The following FRAS1 variants were observed in gnomAD, a reference collection of about 807,000 sequenced individuals.
The protein encoded by FRAS1 is Fraser extracellular matrix complex subunit 1, also known as extracellular matrix organizing protein FRAS1.
FRAS1 carries 290 observed loss-of-function variants against 435.2 expected under a neutral mutation model. That is an observed-to-expected ratio of 0.67 (90% CI 0.61 to 0.73). The LOEUF is 0.73. FRAS1 is among the 30% of genes least tolerant of loss of function. The pLI, the probability that FRAS1 is intolerant of heterozygous loss-of-function variation, is 0.00. For missense variants in FRAS1, 4,860 were observed against 5,001.5 expected (o/e 0.97, Z 0.85); for synonymous variants, 1,800 against 1,851.0 (o/e 0.97, Z 0.71).
chr4:78,089,989 A>G (rs1050544724), intron 2 of FRAS1, among the ~76,000 whole-genome samples: 2 of 151,980 alleles, frequency 1.3e-5, no homozygotes, highest in African/African-American at 4.8e-5. Context: ...TTCTGTCCCT[A>G]TGTTACGAAC....
At chr4:78,306,865 C>T (rs1452075603) in intron 14 of FRAS1, among the ~76,000 whole-genome samples, 3 of 152,194 alleles carry the variant, frequency 2.0e-5, no homozygotes, top group Non-Finnish European at 4.4e-5. Context: ...TCTTTCAGCT[C>T]GTCAAAGTCA....
intron 2 of FRAS1, among the ~76,000 whole-genome samples, chr4:78,083,348 G>C (rs984718883): frequency 1.3e-5 from 2 of 152,142 alleles, no homozygotes; most frequent in African/African-American, 4.8e-5. Flanking sequence ...CTCAAAAACA[G>C]ATCTGGGAAA....
rs751503798 is a variant in FRAS1, at chr4:78,432,642, C to A, written c.5217+38C>A. On this transcript the variant is annotated intron_variant, in intron 38 of 73. Coordinates refer to ENST00000512123, the MANE Select transcript of FRAS1 (RefSeq NM_025074.7). ...ATTTGCTGTGTTTGTTCTCCACCGC[C>A]GCATCTTCTGATGGGGCAGACTGGG... The A allele has an allele frequency of 3.9e-6, 6 of 1,521,460 alleles. No individual in the cohort carries two copies. In the Admixed American group the frequency reaches 1.2e-4, roughly 30 times the overall value. The allele number at this position is 1,521,460 out of a possible 1,614,324, so 94.2% of individuals were successfully genotyped here.
rs747708863 is a variant in FRAS1, at chr4:78,540,639, C to T, written c.11554C>T (p.Arg3852Ter). 3 of 1,600,748 alleles carry T rather than the reference C, an allele frequency of 1.9e-6. No individual in the cohort carries two copies. Among genetic ancestry groups the T allele is most frequent in the Admixed American group, 1.7e-5 (1 of 58,664 alleles). The change falls in exon 74 of 74, where the codon CGA becomes TGA. Residue 3852 changes from arginine to a stop codon, truncating the protein, a stop_gained. Coordinates refer to ENST00000512123, the MANE Select transcript of FRAS1 (RefSeq NM_025074.7). LOFTEE classifies it high-confidence loss of function. ...TCTCACAGCTCCACTCAGACGCAACCGAAGGGACCTGGTAGAGCCCGATGG... is the reference window on the plus strand; with the variant it reads ...TCTCACAGCTCCACTCAGACGCAACTGAAGGGACCTGGTAGAGCCCGATGG... ...RSLTAPLRRNRRDLVEPDGQL... is the reference protein window; with the variant it reads ...RSLTAPLRRN
At chr4:78,420,911 TATATA>T (rs1733761056) in intron 33 of FRAS1, among the ~76,000 whole-genome samples, 1 of 85,670 alleles carries the variant, frequency 1.2e-5, no homozygotes, top group African/African-American at 3.8e-5. Context: ...TATATATATA[TATATA>T]TATATTTATA....
At chr4:78,128,940 A>G (rs1297982070) in intron 2 of FRAS1, among the ~76,000 whole-genome samples, 1 of 152,182 alleles carries the variant, frequency 6.6e-6, no homozygotes, top group East Asian at 1.9e-4. Context: ...TATAAGGTGT[A>G]AGGAAGGGAT....
rs1722135729 is a variant in FRAS1, at chr4:78,544,043, C to T, written c.*2919C>T. The T allele has an allele frequency of 6.6e-6, 1 of 151,918 alleles. No individual in the cohort carries two copies. Among genetic ancestry groups the T allele is most frequent in the Non-Finnish European group, 1.5e-5 (1 of 68,026 alleles). 9.4% of individuals were successfully genotyped at this position (151,918 alleles called of 1,614,324 possible). On this transcript the variant is annotated 3_prime_UTR_variant, in exon 74 of 74. Transcript: ENST00000512123. ...GAAATAGTGTTGGAATGTGTTTGCA[C>T]AGTCTTATGATATTCAGTCTCAGTC... is the stretch of plus-strand genomic sequence containing the variant.
At chr4:78,272,866 TG>T (rs1726783361) in intron 9 of FRAS1, among the ~76,000 whole-genome samples, 2 of 152,206 alleles carry the variant, frequency 1.3e-5, no homozygotes, top group South Asian at 4.1e-4. Flanking sequence ...ATTGGTAGCT[TG>T]ATGGGGCTGG....
intron 2 of FRAS1, among the ~76,000 whole-genome samples, chr4:78,132,874 G>A (rs977503890): frequency 2.0e-5 from 3 of 152,134 alleles, no homozygotes; most frequent in African/African-American, 7.2e-5. Context: ...GGAAGGAATG[G>A]TTCTGCGTGT....
At chr4:78,115,427 T>G (rs937285763) in intron 2 of FRAS1, among the ~76,000 whole-genome samples, 1 of 152,208 alleles carries the variant, frequency 6.6e-6, no homozygotes, top group Non-Finnish European at 1.5e-5. Context: ...CTTGTACCTC[T>G]GGTAGAATTC....
At chr4:78,077,171 C>G (rs1192984804) in intron 2 of FRAS1, among the ~76,000 whole-genome samples, 6 of 147,754 alleles carry the variant, frequency 4.1e-5, no homozygotes, top group African/African-American at 1.3e-4. Context: ...GTTAACATAG[C>G]AAGATTCCAT....
intron 2 of FRAS1, among the ~76,000 whole-genome samples, chr4:78,165,804 T>TG (rs1361243569): frequency 2.0e-5 from 3 of 152,128 alleles, no homozygotes; most frequent in Non-Finnish European, 1.5e-5. Context: ...ATGTTTTTTA[T>TG]TATCCAGCAG....
At chr4:78,309,212 G>T (rs1187763145) in intron 15 of FRAS1, among the ~76,000 whole-genome samples, 2 of 152,146 alleles carry the variant, frequency 1.3e-5, no homozygotes, top group African/African-American at 4.8e-5. Flanking sequence ...TCCAGGCAAG[G>T]AACAGATTCT....
At chr4:78,324,368 G>A (rs1397349232) in intron 18 of FRAS1, among the ~76,000 whole-genome samples, 1 of 152,086 alleles carries the variant, frequency 6.6e-6, no homozygotes, top group African/African-American at 2.4e-5. Context: ...TGAGCGTCTT[G>A]TGTTTATCTG....
chr4:78,206,835 C>G (rs2110081092), intron 2 of FRAS1, among the ~76,000 whole-genome samples: 1 of 152,288 alleles, frequency 6.6e-6, no homozygotes, highest in East Asian at 1.9e-4. Flanking sequence ...GGGTAGAAGA[C>G]AAAGCCTGGG....
At chr4:78,295,406 C>T (rs1277519708) in intron 14 of FRAS1, among the ~76,000 whole-genome samples, 2 of 152,208 alleles carry the variant, frequency 1.3e-5, no homozygotes, top group Non-Finnish European at 2.9e-5. Context: ...CTTGTCAACA[C>T]TAGGTATTAC....
intron 14 of FRAS1, among the ~76,000 whole-genome samples, chr4:78,291,755 A>G (rs919934782): frequency 6.6e-6 from 1 of 152,202 alleles, no homozygotes; most frequent in Non-Finnish European, 1.5e-5. Context: ...TTGCTTATAG[A>G]GATGTAAAAT....
intron 73 of FRAS1, among the ~76,000 whole-genome samples, chr4:78,539,703 A>G (rs1386775374): frequency 1.3e-5 from 2 of 152,162 alleles, no homozygotes; most frequent in Admixed American, 6.5e-5. Flanking sequence ...ATGACACTCC[A>G]GTTTTTCCTA....
intron 65 of FRAS1, among the ~76,000 whole-genome samples, chr4:78,515,067 C>A (rs200047340): frequency 4.9e-4 from 67 of 136,582 alleles, no homozygotes; most frequent in Non-Finnish European, 5.0e-4. Flanking sequence ...GACTCCATCT[C>A]AAAAAAAAAA....
Sources: gnomAD v4.1 joint callset for allele counts (sites outside exome capture counted in the v4.1 genomes callset) on GRCh38, gnomAD v4.1.1 for gene constraint, MANE v1.5 for transcripts, NCBI Gene and HGNC (gene_info 2026-07-23, HGNC 2026-07-21) for gene names.